POC1A: variants seen among roughly 807,000 people sequenced by gnomAD.
POC1A encodes POC1 centriolar protein A, also known as POC1 centriolar protein homolog A.
POC1A carries 34 observed loss-of-function variants against 47.8 expected under a neutral mutation model. The ratio of observed to expected loss-of-function variants is 0.71; its 90% CI spans 0.54 to 0.95. The LOEUF is 0.95. Among genes scored for constraint, POC1A ranks in the 40% least tolerant of loss-of-function variants. The pLI is 0.00. For synonymous variants in POC1A, 177 were observed against 207.6 expected (o/e 0.85, Z 1.27); for missense variants, 466 against 528.3 (o/e 0.88, Z 1.16).
rs1702607268 is a variant in POC1A, at chr3:52,090,458, C to A, written c.1125+6111G>T. On this transcript the variant is annotated intron_variant, in intron 10 of 10. Coordinates refer to ENST00000296484, the MANE Select transcript of POC1A (RefSeq NM_015426.5). The surrounding 1 kb of genome is among the most constrained non-coding windows in gnomAD (Gnocchi z 4.2). Reference sequence around the variant, plus strand: ...TCATTGTCCACACCCCAGAGATCCACCCCCTTGCCCTAAGGAAGGCCCAGG... The same window carrying A: ...TCATTGTCCACACCCCAGAGATCCAACCCCTTGCCCTAAGGAAGGCCCAGG... Among the ~76,000 whole-genome samples, 1 of 152,228 alleles carries A rather than the reference C, an allele frequency of 6.6e-6. No individual in the cohort carries two copies.
chr3:52,125,276 G>A (rs997525686), intron 7 of POC1A, 95 bp from the exon 8 acceptor site: 2 of 1,055,348 alleles, frequency 1.9e-6, no homozygotes, highest in Non-Finnish European at 2.9e-6. Flanking sequence ...GAAAGCAGCA[G>A]CAGGATAAAG....
At chr3:52,077,610 G>A (rs1490453422) in intron 10 of POC1A, among the ~76,000 whole-genome samples, 2 of 152,248 alleles carry the variant, frequency 1.3e-5, no homozygotes, top group Admixed American at 6.5e-5. Flanking sequence ...GCCAGCCGGG[G>A]AGGGGGTCTG....
At position 52,121,753 on chromosome 3, in the gene POC1A, T is replaced by C. The variant is rs189372956; in HGVS notation, c.981+626A>G. Among the ~76,000 whole-genome samples, 18 of 152,346 alleles carry C rather than the reference T, an allele frequency of 1.2e-4. No individual in the cohort carries two copies. The East Asian group carries it at 3.5e-3, about 29-fold the overall frequency. On this transcript the variant is annotated intron_variant, in intron 9 of 10. Transcript: ENST00000296484. ...CCTCAAGGTTCCACAACCTCGGCTT[T>C]AACATTTATTTCAGCCCAAGCTGAA...
chr3:52,136,830 A>G (rs922950155), intron 7 of POC1A, among the ~76,000 whole-genome samples: 2 of 152,234 alleles, frequency 1.3e-5, no homozygotes, highest in African/African-American at 4.8e-5. Context: ...TAGATCCCAC[A>G]TTCAAGTGTT....
chr3:52,103,538 T>C (rs928692478), intron 9 of POC1A, among the ~76,000 whole-genome samples: 4 of 151,770 alleles, frequency 2.6e-5, no homozygotes, highest in African/African-American at 9.7e-5. Flanking sequence ...AAAATAAAAA[T>C]AAAAAACAAA....
chr3:52,084,786 C>T lies in POC1A; in HGVS notation c.1126-8801G>A, dbSNP rs1702405736. On this transcript the variant is annotated intron_variant, in intron 10 of 10. Coordinates refer to ENST00000296484, the MANE Select transcript of POC1A (RefSeq NM_015426.5). This position sits in a 1 kb window ranked among gnomAD's most constrained non-coding sequence, Gnocchi z 4.3. ...CTGGGTGGTGGTACCTGGGGCCCTC[C>T]TTGGTGAGTGGTACTGGTTCTTATG... Among the ~76,000 whole-genome samples the T allele has an allele frequency of 6.6e-6, 1 of 152,178 alleles. No individual in the cohort carries two copies. The highest frequency in any genetic ancestry group is 6.5e-5 in the Admixed American group (1 of 15,292).
At chr3:52,139,593 TTG>T (rs757643738) in intron 6 of POC1A, among the ~76,000 whole-genome samples, 5 of 152,128 alleles carry the variant, frequency 3.3e-5, no homozygotes, top group Non-Finnish European at 7.4e-5. Flanking sequence ...CCCCCTTCAT[TTG>T]TCCTTCCAAA....
At chr3:52,114,721 C>T (rs1445877756) in intron 9 of POC1A, among the ~76,000 whole-genome samples, 1 of 152,120 alleles carries the variant, frequency 6.6e-6, no homozygotes, top group Non-Finnish European at 1.5e-5. Context: ...AATGAATTTC[C>T]CCCAGGAGCC....
At chr3:52,122,877 A>G (rs1194330943) in intron 8 of POC1A, among the ~76,000 whole-genome samples, 8 of 152,256 alleles carry the variant, frequency 5.3e-5, no homozygotes, top group Non-Finnish European at 1.2e-4. Context: ...TTTCCTTCAT[A>G]GCATCAGAGT....
chr3:52,129,705 C>G (rs1704138555), intron 7 of POC1A, among the ~76,000 whole-genome samples: 2 of 152,192 alleles, frequency 1.3e-5, no homozygotes, highest in Admixed American at 1.3e-4. Context: ...AAAGACCAGG[C>G]AGAATCTTCA....
At chr3:52,119,718 C>T (rs1282447304) in intron 9 of POC1A, among the ~76,000 whole-genome samples, 1 of 152,092 alleles carries the variant, frequency 6.6e-6, no homozygotes, top group Non-Finnish European at 1.5e-5. Flanking sequence ...TTGGTTGTCA[C>T]AACTTGGGTT....
chr3:52,129,535 CA>C (rs1704133603), intron 7 of POC1A, among the ~76,000 whole-genome samples: 2 of 152,212 alleles, frequency 1.3e-5, no homozygotes, highest in Non-Finnish European at 2.9e-5. Context: ...TTCCTCTGAG[CA>C]GCGGCTCCTG....
intron 9 of POC1A, among the ~76,000 whole-genome samples, chr3:52,100,005 A>C (rs1045096652): frequency 2.6e-5 from 4 of 152,254 alleles, no homozygotes; most frequent in Non-Finnish European, 5.9e-5. Flanking sequence ...GATGGCTCTA[A>C]CTTTGGGAAA....
chr3:52,125,149 C>T lies in POC1A; in HGVS notation c.846G>A (p.Thr282=), dbSNP rs138210707. 599 of 1,614,022 alleles carry T rather than the reference C, an allele frequency of 3.7e-4. 2 individuals carry two copies. The African/African-American group carries it at 6.6e-3, about 18-fold the overall frequency. Reference sequence around the variant, plus strand: ...AGCCTCCAGAAGCAAAATACTCCCCCGTTCTTGAAAAGGCAACAGTGGTGG... The same window carrying T: ...AGCCTCCAGAAGCAAAATACTCCCCTGTTCTTGAAAAGGCAACAGTGGTGG... The part of the protein sequence containing the change: ...GPATTVAFSR[T]GEYFASGGSD... The change falls in exon 8 of 11, where the codon ACG becomes ACA. Residue 282 remains threonine (T), a synonymous_variant. Coordinates refer to ENST00000296484, the MANE Select transcript of POC1A (RefSeq NM_015426.5).
At chr3:52,112,247 G>C (rs1180701984) in intron 9 of POC1A, among the ~76,000 whole-genome samples, 1 of 152,154 alleles carries the variant, frequency 6.6e-6, no homozygotes, top group Non-Finnish European at 1.5e-5. Context: ...TTGAACTCCT[G>C]GGCTCATGCA....
intron 7 of POC1A, among the ~76,000 whole-genome samples, chr3:52,127,332 G>A (rs1009134066): frequency 3.9e-5 from 6 of 152,014 alleles, no homozygotes; most frequent in Admixed American, 3.9e-4. Context: ...AGGGGTGTGA[G>A]GTAATTTCAG....
At chr3:52,119,861 G>A (rs1022498136) in intron 9 of POC1A, among the ~76,000 whole-genome samples, 17 of 152,338 alleles carry the variant, frequency 1.1e-4, no homozygotes, top group African/African-American at 3.4e-4. Context: ...TGCTGAGGGT[G>A]AGAAACCCTG....
chr3:52,122,801 T>A (rs1380679358), intron 8 of POC1A, among the ~76,000 whole-genome samples: 1 of 152,256 alleles, frequency 6.6e-6, no homozygotes, highest in Admixed American at 6.5e-5. Flanking sequence ...GGCTGAAGTG[T>A]CTGCTTCAAC....
intron 7 of POC1A, among the ~76,000 whole-genome samples, chr3:52,129,157 T>A (rs996595266): frequency 6.6e-6 from 1 of 152,052 alleles, no homozygotes; most frequent in Admixed American, 6.6e-5. Flanking sequence ...CACACACCTG[T>A]AATCCCAGCT....
Sources: allele counts gnomAD v4.1 joint callset (sites outside exome capture counted in the v4.1 genomes callset), GRCh38; gene constraint gnomAD v4.1.1; non-coding constraint Gnocchi (gnomAD v3.1); transcripts MANE v1.5; gene names NCBI Gene and HGNC (gene_info 2026-07-23, HGNC 2026-07-21).